Variants in ANK1 observed in about 807,000 individuals in gnomAD.
ANK1 encodes the protein ankyrin 1.
In ANK1, 51 loss-of-function variants were observed where a neutral mutation model predicts 210.4. That is an observed-to-expected ratio of 0.24 (90% CI 0.19 to 0.31). The LOEUF is 0.31. Ranked by LOEUF, ANK1 falls within the 10% of genes least tolerant of loss-of-function variation. ANK1 has a pLI of 1.00. For synonymous variants in ANK1, 967 were observed against 1,025.9 expected (o/e 0.94, Z 1.10); for missense variants, 2,051 against 2,504.4 (o/e 0.82, Z 3.86).
chr8:41,808,374 C>G (rs1317747022), intron 1 of ANK1, among the ~76,000 whole-genome samples: 1 of 152,124 alleles, frequency 6.6e-6, no homozygotes, highest in Non-Finnish European at 1.5e-5. Flanking sequence ...ATGCCACTTA[C>G]CTGTTGTAAG....
At chr8:41,822,101 AGAGAGAGAGAG>A (rs1804437446) in intron 1 of ANK1, among the ~76,000 whole-genome samples, 5 of 36,568 alleles carry the variant, frequency 1.4e-4, no homozygotes, top group African/African-American at 4.5e-4. Context: ...AGAGAGAGAG[AGAGAGAGAGAG>A]AGAAAGAAAG....
At chr8:41,864,964 A>G (rs573506724) in intron 1 of ANK1, among the ~76,000 whole-genome samples, 120 of 152,316 alleles carry the variant, frequency 7.9e-4, no homozygotes, top group African/African-American at 1.5e-3. Context: ...CAGATCACAC[A>G]TGGCAAGAGG....
At chr8:41,763,914 T>TTTTTTTTTTTTTTTTTTTTTTTTTC (rs1841142286) in intron 1 of ANK1, among the ~76,000 whole-genome samples, 1 of 124,704 alleles carries the variant, frequency 8.0e-6, no homozygotes, top group Non-Finnish European at 1.8e-5. Context: ...TTTTTTTTTT[T>TTTTTTTTTTTTTTTTTTTTTTTTTC]GGGCTTCTCC....
At chr8:41,823,925 A>G (rs953344114) in intron 1 of ANK1, among the ~76,000 whole-genome samples, 3 of 152,044 alleles carry the variant, frequency 2.0e-5, no homozygotes, top group African/African-American at 7.2e-5. Context: ...TGTATCCCCA[A>G]GTAGCAAATA....
chr8:41,666,272 C>T (rs746258521), intron 39 of ANK1, among the ~76,000 whole-genome samples: 4 of 152,190 alleles, frequency 2.6e-5, no homozygotes, highest in Non-Finnish European at 4.4e-5. Context: ...ATGTGGATTT[C>T]GCATTAATTC....
At chr8:41,718,037 G>A (rs1828182652) in intron 11 of ANK1, 69 bp downstream of exon 11, 6 of 1,464,688 alleles carry the variant, frequency 4.1e-6, no homozygotes, top group East Asian at 2.3e-5. Flanking sequence ...TACAAAGAGC[G>A]ACTCTTGGAG....
intron 3 of ANK1, among the ~76,000 whole-genome samples, chr8:41,733,543 A>C (rs1832720063): frequency 6.6e-6 from 1 of 152,202 alleles, no homozygotes; most frequent in Non-Finnish European, 1.5e-5. Context: ...CCAACCCTGC[A>C]ACTAAGTATT....
chr8:41,682,018 G>A lies in ANK1; in HGVS notation c.4537+2526C>T, dbSNP rs545987246. Among the ~76,000 whole-genome samples the A allele has an allele frequency of 2.0e-5, 3 of 152,304 alleles. No homozygotes were observed. The South Asian group carries it at 6.2e-4, about 32-fold the overall frequency. On this transcript the variant is annotated intron_variant, in intron 37 of 42. Transcript: ENST00000289734. ...ACCATCTGAAATCAACTACTCGGGA[G>A]AGGGCTCCCTCAAAGACTTAAGGGC...
chr8:41,878,249 G>A (rs1014641333), intron 1 of ANK1, among the ~76,000 whole-genome samples: 34 of 152,194 alleles, frequency 2.2e-4, no homozygotes, highest in East Asian at 3.8e-4. Flanking sequence ...GACAGTACCC[G>A]AAGGTTTACT....
chr8:41,661,268 T>A, intron 42 of ANK1, 162 bp downstream of exon 42: 1 of 1,103,696 alleles, frequency 9.1e-7, no homozygotes. Context: ...CAGAGCCAAC[T>A]GTTAGCAGGG....
intron 1 of ANK1, among the ~76,000 whole-genome samples, chr8:41,826,453 A>T (rs28461984): frequency 8.4e-4 from 128 of 152,136 alleles, no homozygotes; most frequent in African/African-American, 3.0e-3. Flanking sequence ...CTGGCTTAGC[A>T]CCATCCCCTG....
At chr8:41,769,954 A>G (rs1332984432) in intron 1 of ANK1, among the ~76,000 whole-genome samples, 1 of 132,652 alleles carries the variant, frequency 7.5e-6, no homozygotes, top group African/African-American at 2.9e-5. Context: ...CCATCTATAT[A>G]TCTTCTTTTT....
intron 35 of ANK1, 40 bp downstream of exon 35, chr8:41,688,116 G>A: frequency 6.3e-7 from 1 of 1,593,264 alleles, no homozygotes; most frequent in Non-Finnish European, 8.6e-7. Context: ...GGGTAGGTGA[G>A]ATGGACAAAG....
intron 1 of ANK1, among the ~76,000 whole-genome samples, chr8:41,772,761 C>T (rs1206675812): frequency 6.6e-6 from 1 of 152,228 alleles, no homozygotes; most frequent in East Asian, 1.9e-4. Context: ...CCAGCTGACC[C>T]GTTGGGCTCT....
chr8:41,880,256 C>T lies in ANK1; in HGVS notation c.126+16099G>A, dbSNP rs1817347276. ...TGCCTGTGGTTGCTTTCACGCTCCG[C>T]CGGCGGAGCTGAGTATTTGCAACAG... On this transcript the variant is annotated intron_variant, in intron 1 of 42. Coordinates refer to the ANK1 transcript ENST00000265709. 2.0e-5 allele frequency among the ~76,000 whole-genome samples: 3 copies of T among 152,158 alleles called. No homozygotes were observed. In the South Asian group the frequency reaches 6.2e-4, roughly 32 times the overall value.
chr8:41,742,132 G>A (rs1310422062), intron 2 of ANK1, among the ~76,000 whole-genome samples: 1 of 152,162 alleles, frequency 6.6e-6, no homozygotes, highest in Non-Finnish European at 1.5e-5. Flanking sequence ...AATTCAATGT[G>A]GAGTATTTTC....
rs1827013960 is a variant in ANK1, at chr8:41,714,307, C to T, written c.1702-53G>A. The T allele has an allele frequency of 4.2e-6, 6 of 1,425,536 alleles. No homozygotes were observed. In the Admixed American group the frequency reaches 1.0e-4, roughly 24 times the overall value. 88.3% of individuals were successfully genotyped at this position (1,425,536 alleles called of 1,614,324 possible). On this transcript the variant is annotated intron_variant, in intron 15 of 42. Transcript: ENST00000289734. ...GGCTGTCACTCCCACGGACTTTCTCCCAGGACTCCCTTTAGGCATGGGAGC... is the reference window on the plus strand; with the variant it reads ...GGCTGTCACTCCCACGGACTTTCTCTCAGGACTCCCTTTAGGCATGGGAGC...
At chr8:41,700,518 C>T in intron 22 of ANK1, 1 of 1,507,136 alleles carries the variant, frequency 6.6e-7, no homozygotes, top group South Asian at 1.1e-5. Flanking sequence ...AAGCGAGAGG[C>T]ATATATTATC....
chr8:41,693,431 T>C (rs1819864332), intron 29 of ANK1, among the ~76,000 whole-genome samples: 3 of 116,878 alleles, frequency 2.6e-5, no homozygotes, highest in African/African-American at 9.8e-5. Flanking sequence ...TTTTTTTTTT[T>C]TTTTTTTTTT....
Sources: allele counts gnomAD v4.1 joint callset (sites outside exome capture counted in the v4.1 genomes callset), GRCh38; gene constraint gnomAD v4.1.1; transcripts MANE v1.5; gene names NCBI Gene and HGNC (gene_info 2026-07-23, HGNC 2026-07-21).